The following MYPN variants were observed in gnomAD, a reference collection of about 807,000 sequenced individuals.
MYPN encodes the protein sarcomeric protein myopalladin, 145 kDa (MYOP).
Under a neutral mutation model 129.4 loss-of-function variants are expected in MYPN, and 63 were observed. The ratio of observed to expected loss-of-function variants is 0.49; its 90% CI spans 0.40 to 0.60. The LOEUF is 0.60. Among genes scored for constraint, MYPN ranks in the 20% least tolerant of loss-of-function variants. The probability of loss-of-function intolerance (pLI) is 0.00; values close to 1 mark genes in which losing one functional copy is unlikely to be tolerated. For missense variants in MYPN, 1,596 were observed against 1,635.4 expected (o/e 0.98, Z 0.42); for synonymous variants, 629 against 600.9 (o/e 1.05, Z -0.68).
intron 1 of MYPN, among the ~76,000 whole-genome samples, chr10:68,119,077 G>A (rs1195020079): frequency 1.3e-5 from 2 of 151,778 alleles, no homozygotes; most frequent in Admixed American, 6.6e-5. Context: ...GAGGATTTTC[G>A]GTATATTAAT....
intron 2 of MYPN, among the ~76,000 whole-genome samples, chr10:68,135,711 T>TC (rs2042476449): frequency 6.6e-6 from 1 of 152,192 alleles, no homozygotes; most frequent in Admixed American, 6.5e-5. Flanking sequence ...CAGTTAACAT[T>TC]CACACAACAA....
chr10:68,095,383 G>A (rs1340111782), intron 1 of MYPN, among the ~76,000 whole-genome samples: 1 of 151,788 alleles, frequency 6.6e-6, no homozygotes, highest in Non-Finnish European at 1.5e-5. Context: ...GGCATGAAAG[G>A]CATGCATATG....
intron 3 of MYPN, among the ~76,000 whole-genome samples, chr10:68,145,262 G>T (rs1427426756): frequency 6.6e-6 from 1 of 152,020 alleles, no homozygotes; most frequent in Non-Finnish European, 1.5e-5. Flanking sequence ...GACCTCAGGT[G>T]ATCCACCCCC....
At chr10:68,209,181 C>T (rs1169183164) in intron 19 of MYPN, among the ~76,000 whole-genome samples, 1 of 152,144 alleles carries the variant, frequency 6.6e-6, no homozygotes, top group Admixed American at 6.5e-5. Flanking sequence ...CCAAGGTCCC[C>T]AGAAACCTAA....
chr10:68,204,171 C>T (rs994677013), intron 18 of MYPN, among the ~76,000 whole-genome samples: 4 of 152,202 alleles, frequency 2.6e-5, no homozygotes, highest in South Asian at 2.1e-4. Flanking sequence ...CTCTCTCCCA[C>T]GACTAGACTG....
rs188140975 is a variant in MYPN at position 68,168,947 on chromosome 10, G to A, written c.1973+2281G>A. Among the ~76,000 whole-genome samples the A allele has an allele frequency of 4.0e-3, 558 of 139,110 alleles. 4 individuals carry two copies. Among genetic ancestry groups the A allele is most frequent in the African/African-American group, 0.015 (536 of 35,538 alleles). 91.3% of individuals were successfully genotyped at this position (139,110 alleles called of 152,430 possible). ...ACAGAGGTTGCAGTGAACCAAGATC[G>A]CGCCACTGCACTCCAGCGTGGGCGA... On this transcript the variant is annotated intron_variant, in intron 10 of 19. Coordinates refer to ENST00000358913, the MANE Select transcript of MYPN (RefSeq NM_032578.4).
intron 5 of MYPN, 72 bp from the exon 6 acceptor site, chr10:68,149,968 G>T: frequency 7.3e-7 from 1 of 1,376,792 alleles, no homozygotes; most frequent in Non-Finnish European, 1.0e-6. Context: ...AAATTCTATA[G>T]GTTTGTTATG....
intron 2 of MYPN, among the ~76,000 whole-genome samples, chr10:68,125,231 T>C (rs1253741326): frequency 6.6e-6 from 1 of 152,138 alleles, no homozygotes; most frequent in Non-Finnish European, 1.5e-5. Flanking sequence ...TTGCAAATCT[T>C]CAAATTTAAA....
chr10:68,173,566 T>C (rs566518079), intron 10 of MYPN, among the ~76,000 whole-genome samples: 1 of 150,474 alleles, frequency 6.6e-6, no homozygotes, highest in Non-Finnish European at 1.5e-5. Context: ...TTTATCAACA[T>C]CAAGTTATTT....
intron 19 of MYPN, among the ~76,000 whole-genome samples, chr10:68,209,667 T>C (rs1409813343): frequency 4.0e-5 from 1 of 24,812 alleles, no homozygotes; most frequent in East Asian, 1.1e-3. Flanking sequence ...TATAGAATTC[T>C]TTTCTTTTTT....
rs367955895 is a variant in MYPN, at chr10:68,194,411, T to C, written c.2974T>C (p.Cys992Arg). 1.2e-6 allele frequency: 2 copies of C among 1,613,770 alleles called. No homozygotes were observed. Among genetic ancestry groups the C allele is most frequent in the East Asian group, 2.2e-5 (1 of 44,866 alleles). Residue 992 changes from cysteine to arginine, a missense_variant, in exon 14 of 20, where the codon TGC becomes CGC. Coordinates refer to ENST00000358913, the MANE Select transcript of MYPN (RefSeq NM_032578.4). ...GCAGATTTCTAAGAGAAATGAGCACTGCAAAATGAGGCGAGAAGGAGATGG... is the reference window on the plus strand; with the variant it reads ...GCAGATTTCTAAGAGAAATGAGCACCGCAAAATGAGGCGAGAAGGAGATGG... Reference protein sequence around the residue: ...GKQISKRNEHCKMRREGDGTC... With the variant: ...GKQISKRNEHRKMRREGDGTC...
chr10:68,203,924 A>G (rs2043765821), intron 18 of MYPN, among the ~76,000 whole-genome samples: 1 of 152,084 alleles, frequency 6.6e-6, no homozygotes, highest in Non-Finnish European at 1.5e-5. Flanking sequence ...TCTCTCACCT[A>G]TATACCTCTG....
chr10:68,141,214 C>A (rs1349021542), intron 2 of MYPN, among the ~76,000 whole-genome samples: 1 of 151,948 alleles, frequency 6.6e-6, no homozygotes, highest in Non-Finnish European at 1.5e-5. Flanking sequence ...ACTAAAAATA[C>A]AAAAATTAGC....
At chr10:68,210,223 C>T (rs1466749528) in intron 19 of MYPN, 63 bp from the exon 20 acceptor site, 2 of 1,580,622 alleles carry the variant, frequency 1.3e-6, no homozygotes, top group African/African-American at 1.3e-5. Context: ...GAATGCACCT[C>T]TGCAGCGTAC....
In MYPN at chr10:68,194,994, A is replaced by G. The variant is rs553663571; in HGVS notation, c.3076-456A>G. Among the ~76,000 whole-genome samples, 3 of 152,340 alleles carry G rather than the reference A, an allele frequency of 2.0e-5. No homozygotes were observed. In the South Asian group the frequency reaches 6.2e-4, roughly 32 times the overall value. On this transcript the variant is annotated intron_variant, in intron 14 of 19. Coordinates refer to ENST00000358913, the MANE Select transcript of MYPN (RefSeq NM_032578.4). Reference sequence around the variant, plus strand: ...ATAATCATCCACTTTCCTTTTCTGAATGAAGCCAAATCTTAAAATTCCCCT... The same window carrying G: ...ATAATCATCCACTTTCCTTTTCTGAGTGAAGCCAAATCTTAAAATTCCCCT...
chr10:68,124,803 G>A (rs1232278555), intron 2 of MYPN, among the ~76,000 whole-genome samples: 1 of 152,170 alleles, frequency 6.6e-6, no homozygotes, highest in East Asian at 1.9e-4. Flanking sequence ...CTAAGATGTA[G>A]CAAAGGGTTG....
At chr10:68,203,442 G>A (rs2043752032) in intron 18 of MYPN, among the ~76,000 whole-genome samples, 1 of 151,250 alleles carries the variant, frequency 6.6e-6, no homozygotes. Context: ...AAAATTAATT[G>A]TCTAGGCATG....
Position 68,174,120 on chromosome 10 carries a change from A to G in MYPN, c.2028A>G (p.Gln676=), listed in dbSNP as rs876657537. 43 of 1,614,172 alleles carry G rather than the reference A, an allele frequency of 2.7e-5. No individual in the cohort carries two copies. Among genetic ancestry groups the G allele is most frequent in the Non-Finnish European group, 3.5e-5 (41 of 1,180,022 alleles). ...LHNQVLLEQH[Q]LQNPPPSSPK... ...ACCAAGTCTTACTGGAACAACACCA[A>G]TTGCAAAACCCACCTCCTTCATCTC... is the stretch of plus-strand genomic sequence containing the variant. Residue 676 remains glutamine (Q), a synonymous_variant, in exon 11 of 20, where the codon CAA becomes CAG. Coordinates refer to ENST00000358913, the MANE Select transcript of MYPN (RefSeq NM_032578.4).
upstream of MYPN, among the ~76,000 whole-genome samples, chr10:68,104,053 T>G (rs2041995165): frequency 1.3e-5 from 2 of 152,146 alleles, no homozygotes; most frequent in African/African-American, 4.8e-5. Flanking sequence ...AAGGCGTAAT[T>G]TCCTCCCAGT....
Sources: gnomAD v4.1 joint callset for allele counts (sites outside exome capture counted in the v4.1 genomes callset) on GRCh38, gnomAD v4.1.1 for gene constraint, MANE v1.5 for transcripts, NCBI Gene and HGNC (gene_info 2026-07-23, HGNC 2026-07-21) for gene names.